SMPX: variants seen among roughly 807,000 people sequenced by gnomAD.
SMPX encodes small muscle protein X-linked.
In SMPX, 2 loss-of-function variants were observed where a neutral mutation model predicts 6.3. The observed-to-expected ratio is 0.32, with a 90% CI of 0.13 to 0.99. The LOEUF (loss-of-function observed/expected upper bound fraction) is 0.99. Among genes scored for constraint, SMPX ranks in the 50% least tolerant of loss-of-function variants. The probability of loss-of-function intolerance (pLI) is 0.49; values close to 1 mark genes in which losing one functional copy is unlikely to be tolerated. For missense variants in SMPX, 60 were observed against 66.8 expected (o/e 0.90, Z 0.36); for synonymous variants, 32 against 24.7 (o/e 1.30, Z -0.88).
chrX:21,754,106 T>C (rs1207105406), intron 2 of SMPX, 140 bp downstream of exon 2: 1 of 591,715 alleles, frequency 1.7e-6, no homozygotes, highest in Admixed American at 2.3e-5. Context: ...TAACTGGTTT[T>C]ATATCCTTTC....
chrX:21,722,371 A>C (rs1331716500), intron 4 of SMPX, among the ~76,000 whole-genome samples: 2 of 112,395 alleles, frequency 1.8e-5, no homozygotes, highest in Non-Finnish European at 1.9e-5. Context: ...GCAAGGCCTT[A>C]TTTAGAAATA....
intron 4 of SMPX, among the ~76,000 whole-genome samples, chrX:21,713,974 A>T (rs917469985): frequency 8.9e-6 from 1 of 112,326 alleles, no homozygotes. Context: ...ATCTTAAGTG[A>T]ACTTGATGAA....
intron 4 of SMPX, among the ~76,000 whole-genome samples, chrX:21,708,483 C>T (rs73453549): frequency 0.02 from 2,189 of 112,069 alleles, 63 homozygotes; most frequent in African/African-American, 0.067. Flanking sequence ...TTGTGTTGTA[C>T]TCACTGTTGA....
At chrX:21,709,955 C>A (rs1246061575) in intron 4 of SMPX, among the ~76,000 whole-genome samples, 1 of 111,852 alleles carries the variant, frequency 8.9e-6, no homozygotes, top group Non-Finnish European at 1.9e-5. Flanking sequence ...CTGAGAAGCA[C>A]CATCTGCAAC....
At position 21,743,766 on chromosome X, in the gene SMPX, G is replaced by A; in HGVS notation, c.116C>T (p.Thr39Ile). ...AGQPPRRKEC[T>I]PEVEEGVPPT... The stretch of plus-strand genomic sequence containing the variant: ...TTTCCTCACCTCCTCCACTTCAGGA[G>A]TACATTCTTTTCTTCTGGGGGGTTG... Residue 39 changes from threonine (T) to isoleucine (I), a missense_variant, in exon 3 of 5, where the codon ACT becomes ATT. Transcript: ENST00000379494. 2.5e-6 allele frequency: 3 copies of A among 1,205,819 alleles called. No homozygotes were observed. The highest frequency in any genetic ancestry group is 3.4e-6 in the Non-Finnish European group (3 of 890,292).
At chrX:21,727,402 G>C (rs1365844718) in intron 4 of SMPX, 1 of 111,822 alleles carries the variant, frequency 8.9e-6, no homozygotes, top group African/African-American at 3.3e-5. Context: ...CCAAAATTGG[G>C]GGATCAGGTA....
chrX:21,731,511 TGTGTGTATGTGTACAC>T (rs1484093363), intron 4 of SMPX, among the ~76,000 whole-genome samples: 13 of 87,697 alleles, frequency 1.5e-4, no homozygotes, highest in Admixed American at 3.6e-4. Context: ...ATACACATTA[TGTGTGTATGTGTACAC>T]ATACACATTA....
Position 21,743,721 on chromosome X carries a change from C to T in SMPX, c.132+29G>A, listed in dbSNP as rs757514036. 1.3e-5 allele frequency: 15 copies of T among 1,136,077 alleles called. 1 individual carries two copies. The South Asian group carries it at 2.7e-4, about 21-fold the overall frequency. 93.6% of individuals were successfully genotyped at this position (1,136,077 alleles called of 1,213,427 possible). A position where few individuals can be genotyped will look rare whatever the true frequency, so the allele number is the denominator to read the frequency against. On this transcript the variant is annotated intron_variant, in intron 3 of 4. Coordinates refer to ENST00000379494, the MANE Select transcript of SMPX (RefSeq NM_014332.3). Reference sequence around the variant, plus strand: ...AGGATTTTAGAAGGGAAAAACATTGCTGTGTTCTGAGAGCTGAGTTTTCCT... The same window carrying T: ...AGGATTTTAGAAGGGAAAAACATTGTTGTGTTCTGAGAGCTGAGTTTTCCT...
At chrX:21,724,030 T>C (rs1445904005) in intron 4 of SMPX, among the ~76,000 whole-genome samples, 1 of 112,283 alleles carries the variant, frequency 8.9e-6, no homozygotes, top group Non-Finnish European at 1.9e-5. Context: ...GGCCTGCTCC[T>C]GGCAGCGAAA....
chrX:21,714,008 T>C (rs1463849984), intron 4 of SMPX, among the ~76,000 whole-genome samples: 3 of 112,177 alleles, frequency 2.7e-5, no homozygotes, highest in African/African-American at 9.7e-5. Context: ...TATATATCCA[T>C]GTAAGGCCTT....
chrX:21,706,841 G>T (rs2092773501), intron 4 of SMPX, among the ~76,000 whole-genome samples: 1 of 109,809 alleles, frequency 9.1e-6, no homozygotes, highest in Admixed American at 9.8e-5. Context: ...CCCCCGTTTT[G>T]CTCTGCACTT....
intron 4 of SMPX, among the ~76,000 whole-genome samples, chrX:21,718,851 T>A (rs1366749882): frequency 1.8e-5 from 2 of 112,222 alleles, no homozygotes; most frequent in Non-Finnish European, 3.8e-5. Context: ...TGAGCAGACA[T>A]GACAAGCCTT....
At chrX:21,715,328 G>C (rs200305970) in intron 4 of SMPX, among the ~76,000 whole-genome samples, 1 of 109,944 alleles carries the variant, frequency 9.1e-6, no homozygotes, top group East Asian at 2.9e-4. Context: ...GCGCTCGCGC[G>C]CTGGTGGGGG....
chrX:21,715,507 G>T (rs2092784113), intron 4 of SMPX, among the ~76,000 whole-genome samples: 1 of 111,130 alleles, frequency 9.0e-6, no homozygotes, highest in Admixed American at 9.5e-5. Context: ...GTGCAGACAA[G>T]ATTGAGAACC....
intron 1 of SMPX, among the ~76,000 whole-genome samples, chrX:21,756,824 G>C (rs1158513032): frequency 8.9e-6 from 1 of 112,535 alleles, no homozygotes; most frequent in Non-Finnish European, 1.9e-5. Flanking sequence ...TACGTCTCCT[G>C]GTTCTGGCTA....
chrX:21,709,355 G>GGAGAATCTGT (rs2092776109), intron 4 of SMPX, among the ~76,000 whole-genome samples: 2 of 112,020 alleles, frequency 1.8e-5, no homozygotes, highest in Non-Finnish European at 3.8e-5. Flanking sequence ...GATTCTCCAT[G>GGAGAATCTGT]TAACATGCTG....
At chrX:21,709,441 G>T (rs1046960574) in intron 4 of SMPX, among the ~76,000 whole-genome samples, 2 of 112,268 alleles carry the variant, frequency 1.8e-5, no homozygotes, top group Non-Finnish European at 3.8e-5. Flanking sequence ...ACTAGGCTAG[G>T]ATCTTTTAAG....
At position 21,738,100 on chromosome X, in the gene SMPX, A is replaced by G. The variant is rs148100230; in HGVS notation, c.133-403T>C. Among the ~76,000 whole-genome samples the G allele has an allele frequency of 7.0e-3, 791 of 112,698 alleles. 4 individuals are homozygous for G. Among genetic ancestry groups the G allele is most frequent in the African/African-American group, 0.024 (733 of 31,051 alleles). On this transcript the variant is annotated intron_variant, in intron 3 of 4. Transcript: ENST00000379494. ...GATTTGTACAATGTTAGAGCATGGG[A>G]TGCATAAATAAACTGAAACAAACGT...
intron 2 of SMPX, among the ~76,000 whole-genome samples, chrX:21,749,584 CT>C (rs1263818112): frequency 9.0e-6 from 1 of 111,669 alleles, no homozygotes. Context: ...CAAACATGGG[CT>C]TGGGGATCAG....
Sources: gnomAD v4.1 joint callset for allele counts (sites outside exome capture counted in the v4.1 genomes callset) on GRCh38, gnomAD v4.1.1 for gene constraint, MANE v1.5 for transcripts, NCBI Gene and HGNC (gene_info 2026-07-23, HGNC 2026-07-21) for gene names.